Variants in CHST9 observed in about 807,000 individuals in gnomAD.
CHST9 encodes the protein carbohydrate sulfotransferase 9.
A neutral mutation model predicts 44.4 loss-of-function variants in CHST9; 41 were observed. That is an observed-to-expected ratio of 0.92 (90% CI 0.72 to 1.20). The LOEUF (loss-of-function observed/expected upper bound fraction) is 1.20, where lower values mean the gene tolerates loss of function less well. Among genes scored for constraint, CHST9 ranks in the 50% most tolerant of loss-of-function variants. The pLI is 0.00. For missense variants in CHST9, 504 were observed against 516.5 expected (o/e 0.98, Z 0.23); for synonymous variants, 171 against 178.4 (o/e 0.96, Z 0.33).
intron 2 of CHST9, among the ~76,000 whole-genome samples, chr18:27,129,715 C>A (rs1192333465): frequency 1.3e-5 from 2 of 152,098 alleles, no homozygotes; most frequent in African/African-American, 4.8e-5. Context: ...GAAAAGAATA[C>A]CTCAGTTTGA....
rs538554401 is a variant in CHST9, at chr18:27,048,546, A to C, written c.122-43T>G. On this transcript the variant is annotated intron_variant, in intron 2 of 5. Coordinates refer to ENST00000618847, the MANE Select transcript of CHST9 (RefSeq NM_031422.6). ...AGATAAGTTACAGCATGGAGTCATG[A>C]GAATATGATGAAAATAAGATGAAAG... 14 of 1,517,324 alleles carry C rather than the reference A, an allele frequency of 9.2e-6. No homozygotes were observed. In the East Asian group the frequency reaches 2.1e-4, roughly 22 times the overall value. 94.0% of individuals were successfully genotyped at this position (1,517,324 alleles called of 1,614,324 possible). A position where few individuals can be genotyped will look rare whatever the true frequency, so the allele number is the denominator to read the frequency against.
chr18:26,936,819 A>G (rs2056001405), intron 5 of CHST9: 2 of 152,182 alleles, frequency 1.3e-5, no homozygotes, highest in East Asian at 1.9e-4. Flanking sequence ...TCACCAGCCT[A>G]TTGGGTGTTA....
chr18:27,081,553 T>A (rs1396056099), intron 2 of CHST9, among the ~76,000 whole-genome samples: 1 of 152,208 alleles, frequency 6.6e-6, no homozygotes, highest in African/African-American at 2.4e-5. Flanking sequence ...CCCTCCTAGA[T>A]GATATATTTC....
intron 4 of CHST9, among the ~76,000 whole-genome samples, chr18:27,016,252 G>A (rs1568134248): frequency 6.6e-6 from 1 of 152,240 alleles, no homozygotes; most frequent in East Asian, 1.9e-4. Context: ...AGCATAACCA[G>A]CATGCTCACC....
At chr18:26,955,807 C>T (rs2056314570) in intron 4 of CHST9, among the ~76,000 whole-genome samples, 1 of 152,130 alleles carries the variant, frequency 6.6e-6, no homozygotes, top group Admixed American at 6.5e-5. Context: ...AGCTCAGCTG[C>T]TGGGGGCCTG....
intron 2 of CHST9, among the ~76,000 whole-genome samples, chr18:27,090,798 G>T (rs932648814): frequency 2.6e-5 from 4 of 152,052 alleles, no homozygotes; most frequent in Non-Finnish European, 4.4e-5. Flanking sequence ...CTGTTCCATT[G>T]GTCTATATAT....
intron 4 of CHST9, among the ~76,000 whole-genome samples, chr18:26,964,378 T>C (rs1226428111): frequency 6.6e-6 from 1 of 152,244 alleles, no homozygotes; most frequent in Non-Finnish European, 1.5e-5. Flanking sequence ...ACAAATATTT[T>C]TCTGGACTTC....
chr18:27,093,368 C>CA (rs1174268642), intron 2 of CHST9, among the ~76,000 whole-genome samples: 3 of 152,240 alleles, frequency 2.0e-5, no homozygotes. Context: ...AGTCTAGAGG[C>CA]AGTAGGCCTT....
intron 4 of CHST9, among the ~76,000 whole-genome samples, chr18:26,997,886 C>T (rs1276028504): frequency 6.6e-6 from 1 of 152,220 alleles, no homozygotes; most frequent in Non-Finnish European, 1.5e-5. Flanking sequence ...TTTACATATA[C>T]TCTCTGCCAT....
chr18:27,103,704 G>T (rs924482182), intron 2 of CHST9, among the ~76,000 whole-genome samples: 2 of 152,184 alleles, frequency 1.3e-5, no homozygotes, highest in African/African-American at 4.8e-5. Flanking sequence ...TGCCTTTGGC[G>T]AGTTAAGCCA....
intron 2 of CHST9, among the ~76,000 whole-genome samples, chr18:27,091,088 T>C (rs1293104199): frequency 6.6e-6 from 1 of 152,178 alleles, no homozygotes; most frequent in Non-Finnish European, 1.5e-5. Context: ...GCATGGAATG[T>C]TCTTCCATTT....
At chr18:27,045,269 T>C (rs1296190390) in intron 3 of CHST9, among the ~76,000 whole-genome samples, 3 of 152,060 alleles carry the variant, frequency 2.0e-5, no homozygotes, top group African/African-American at 4.8e-5. Flanking sequence ...ATTTAACAGA[T>C]GGTGTTCCCC....
intron 2 of CHST9, among the ~76,000 whole-genome samples, chr18:27,077,187 C>A (rs973994736): frequency 4.6e-5 from 7 of 151,876 alleles, no homozygotes; most frequent in African/African-American, 1.7e-4. Context: ...CTTTCTTTTT[C>A]TTTACTAATG....
intron 1 of CHST9, among the ~76,000 whole-genome samples, chr18:27,173,693 T>C (rs1019855382): frequency 2.6e-5 from 4 of 152,018 alleles, no homozygotes; most frequent in Admixed American, 2.6e-4. Flanking sequence ...TTAAGATATT[T>C]AGATACTTTA....
At chr18:27,151,563 A>G (rs978590583) in intron 1 of CHST9, among the ~76,000 whole-genome samples, 3 of 152,180 alleles carry the variant, frequency 2.0e-5, no homozygotes, top group African/African-American at 7.2e-5. Flanking sequence ...AGGCCAACTT[A>G]ATATAGGGAG....
intron 3 of CHST9, among the ~76,000 whole-genome samples, chr18:27,026,062 T>G (rs2057281866): frequency 6.6e-6 from 1 of 152,210 alleles, no homozygotes; most frequent in Non-Finnish European, 1.5e-5. Flanking sequence ...GCTATCTGAC[T>G]TATAACAATC....
chr18:26,984,289 G>C (rs544199162), intron 4 of CHST9, among the ~76,000 whole-genome samples: 12 of 152,154 alleles, frequency 7.9e-5, no homozygotes, highest in Non-Finnish European at 1.6e-4. Context: ...ACTCAAAAGA[G>C]ATAGTCTTTT....
chr18:27,137,715 A>C (rs1465086442), intron 2 of CHST9, among the ~76,000 whole-genome samples: 1 of 152,164 alleles, frequency 6.6e-6, no homozygotes, highest in African/African-American at 2.4e-5. Context: ...AGGATCTTTG[A>C]ATTCTTATCT....
intron 5 of CHST9, chr18:26,930,799 A>G (rs163225): frequency 0.54 from 82,395 of 153,490 alleles, 22,279 homozygotes; most frequent in East Asian, 0.73. Context: ...GCAGAGGGGC[A>G]CCTGCCACCA....
Sources: allele counts gnomAD v4.1 joint callset (sites outside exome capture counted in the v4.1 genomes callset), GRCh38; gene constraint gnomAD v4.1.1; transcripts MANE v1.5; gene names NCBI Gene and HGNC (gene_info 2026-07-23, HGNC 2026-07-21).